SLC25A21: variants seen among roughly 807,000 people sequenced by gnomAD.
SLC25A21 encodes solute carrier family 25 member 21, also known as mitochondrial 2-oxodicarboxylate carrier.
A neutral mutation model predicts 43.8 loss-of-function variants in SLC25A21; 47 were observed. That is an observed-to-expected ratio of 1.07 (90% CI 0.85 to 1.37). SLC25A21 has a LOEUF of 1.37. Ranked by LOEUF, SLC25A21 falls within the 40% of genes most tolerant of loss-of-function variation. SLC25A21 has a pLI of 0.00. For missense variants in SLC25A21, 352 were observed against 350.2 expected (o/e 1.00, Z -0.04); for synonymous variants, 131 against 121.3 (o/e 1.08, Z -0.52).
chr14:36,988,230 T>C (rs540094169), intron 1 of SLC25A21, among the ~76,000 whole-genome samples: 48 of 152,338 alleles, frequency 3.2e-4, no homozygotes, highest in South Asian at 6.2e-4. Flanking sequence ...GAAATATTAA[T>C]GCCTATCTTG....
At chr14:36,699,706 T>A (rs1309783955) in intron 7 of SLC25A21, among the ~76,000 whole-genome samples, 1 of 152,164 alleles carries the variant, frequency 6.6e-6, no homozygotes, top group African/African-American at 2.4e-5. Context: ...GATCTCAGAC[T>A]GCTGCACTAA....
intron 3 of SLC25A21, 47 bp from the exon 4 acceptor site, chr14:36,734,620 C>G (rs1013971988): frequency 1.3e-5 from 18 of 1,425,632 alleles, no homozygotes; most frequent in Non-Finnish European, 4.9e-6. Context: ...AATTAGGCAA[C>G]AAGTATTTCT....
At chr14:37,098,716 G>T (rs1390497631) in intron 1 of SLC25A21, among the ~76,000 whole-genome samples, 1 of 47,656 alleles carries the variant, frequency 2.1e-5, no homozygotes, top group Non-Finnish European at 4.4e-5. Context: ...TAGATAGATA[G>T]ATAGATAGAT....
intron 2 of SLC25A21, among the ~76,000 whole-genome samples, chr14:36,836,203 G>C (rs1432201408): frequency 6.6e-6 from 1 of 152,176 alleles, no homozygotes; most frequent in Non-Finnish European, 1.5e-5. Flanking sequence ...CTATTGAGTG[G>C]CCAAACTGCT....
At chr14:37,091,099 G>A (rs1962576306) in intron 1 of SLC25A21, among the ~76,000 whole-genome samples, 1 of 152,108 alleles carries the variant, frequency 6.6e-6, no homozygotes, top group Non-Finnish European at 1.5e-5. Flanking sequence ...AAGCTTACCT[G>A]ACACACAGAT....
chr14:36,999,625 T>C (rs775520650), intron 1 of SLC25A21, among the ~76,000 whole-genome samples: 5 of 152,170 alleles, frequency 3.3e-5, no homozygotes, highest in Non-Finnish European at 5.9e-5. Context: ...AGAGGGTATA[T>C]GAGAAATTTC....
At chr14:37,006,787 A>G (rs1012582841) in intron 1 of SLC25A21, among the ~76,000 whole-genome samples, 1 of 152,168 alleles carries the variant, frequency 6.6e-6, no homozygotes, top group African/African-American at 2.4e-5. Context: ...GTCATATCTG[A>G]TAAGTGATGG....
At chr14:36,859,102 G>A (rs1269996503) in intron 2 of SLC25A21, among the ~76,000 whole-genome samples, 1 of 152,052 alleles carries the variant, frequency 6.6e-6, no homozygotes, top group Non-Finnish European at 1.5e-5. Context: ...TACTTATGAA[G>A]TTAAGCATTA....
intron 1 of SLC25A21, among the ~76,000 whole-genome samples, chr14:37,014,398 C>A (rs934875111): frequency 1.3e-5 from 2 of 152,100 alleles, no homozygotes; most frequent in African/African-American, 2.4e-5. Context: ...TTTCCAGGAG[C>A]AGATTCCATC....
intron 6 of SLC25A21, among the ~76,000 whole-genome samples, chr14:36,712,967 C>T (rs1488685309): frequency 6.6e-6 from 1 of 152,086 alleles, no homozygotes; most frequent in Non-Finnish European, 1.5e-5. Context: ...GAGTAAACTG[C>T]CCAAGTACTG....
chr14:36,929,026 C>G (rs767162774), intron 1 of SLC25A21, among the ~76,000 whole-genome samples: 2 of 152,070 alleles, frequency 1.3e-5, no homozygotes, highest in Non-Finnish European at 2.9e-5. Context: ...AGAAAACGGT[C>G]TCATATGACT....
At chr14:36,946,446 CAATA>C (rs1250823305) in intron 1 of SLC25A21, among the ~76,000 whole-genome samples, 2 of 151,862 alleles carry the variant, frequency 1.3e-5, no homozygotes, top group Non-Finnish European at 2.9e-5. Context: ...CTATTAATAC[CAATA>C]AATAAATGAT....
chr14:36,799,827 C>T (rs1016004508), intron 3 of SLC25A21, among the ~76,000 whole-genome samples: 1 of 152,138 alleles, frequency 6.6e-6, no homozygotes, highest in Non-Finnish European at 1.5e-5. Context: ...CTTAGCAAAG[C>T]ACTCAGCACC....
At chr14:36,999,374 A>C (rs1211642846) in intron 1 of SLC25A21, among the ~76,000 whole-genome samples, 1 of 152,068 alleles carries the variant, frequency 6.6e-6, no homozygotes, top group Non-Finnish European at 1.5e-5. Context: ...CAGAAACTGG[A>C]GGTTGGGGAG....
chr14:36,711,507 G>A, intron 6 of SLC25A21, 25 bp from the exon 7 acceptor site: 1 of 1,610,064 alleles, frequency 6.2e-7, no homozygotes, highest in African/African-American at 1.3e-5. Context: ...AGCAAGGCCA[G>A]AATGATCATC....
rs1032508360 is a variant in SLC25A21 at position 36,678,428 on chromosome 14, G to A, written c.*2230C>T. 1.1e-5 allele frequency: 15 copies of A among 1,381,486 alleles called. No homozygotes were observed. The African/African-American group carries it at 2.1e-4, about 20-fold the overall frequency. 85.6% of individuals were successfully genotyped at this position (1,381,486 alleles called of 1,614,324 possible). A position where few individuals can be genotyped will look rare whatever the true frequency, so the allele number is the denominator to read the frequency against. On this transcript the variant is annotated 3_prime_UTR_variant, in exon 10 of 10. Transcript: ENST00000331299. ...AGCAGAAGGAGCAGATGAACTCTCA[G>A]GGCCATAGTCTTCCTTTGATCTTGT... is the stretch of plus-strand genomic sequence containing the variant.
intron 1 of SLC25A21, among the ~76,000 whole-genome samples, chr14:37,027,994 A>G (rs1352458539): frequency 6.6e-6 from 1 of 152,222 alleles, no homozygotes; most frequent in Non-Finnish European, 1.5e-5. Context: ...ACACAATTAC[A>G]TTATAGTAAT....
At chr14:37,065,148 G>T (rs1310175058) in intron 1 of SLC25A21, among the ~76,000 whole-genome samples, 1 of 152,168 alleles carries the variant, frequency 6.6e-6, no homozygotes, top group Non-Finnish European at 1.5e-5. Context: ...GATTTGTTCA[G>T]AGAAGCCTTT....
At chr14:37,118,440 G>A (rs1428904133) in intron 1 of SLC25A21, among the ~76,000 whole-genome samples, 2 of 152,132 alleles carry the variant, frequency 1.3e-5, no homozygotes, top group East Asian at 1.9e-4. Flanking sequence ...AATTTTTAGG[G>A]AGGCTGATTT....
Sources: allele counts gnomAD v4.1 joint callset (sites outside exome capture counted in the v4.1 genomes callset), GRCh38; gene constraint gnomAD v4.1.1; transcripts MANE v1.5; gene names NCBI Gene and HGNC (gene_info 2026-07-23, HGNC 2026-07-21).